Variants in ZNF850 observed in about 807,000 individuals in gnomAD.
The protein encoded by ZNF850 is zinc finger protein 850, also known as putative zinc finger protein ENSP00000330994.
Under a neutral mutation model 11.9 loss-of-function variants are expected in ZNF850, and 2 were observed. That is an observed-to-expected ratio of 0.17 (90% CI 0.07 to 0.53). ZNF850 has a LOEUF of 0.53. Among genes scored for constraint, ZNF850 ranks in the 20% least tolerant of loss-of-function variants. The probability of loss-of-function intolerance (pLI) is 0.94; values close to 1 mark genes in which losing one functional copy is unlikely to be tolerated. For synonymous variants in ZNF850, 381 were observed against 443.0 expected (o/e 0.86, Z 1.76); for missense variants, 1,014 against 1,316.4 (o/e 0.77, Z 3.55).
At chr19:36,771,874 ATCAACTTTC>A (rs1222893545) in intron 1 of ZNF850, among the ~76,000 whole-genome samples, 1 of 152,108 alleles carries the variant, frequency 6.6e-6, no homozygotes, top group Non-Finnish European at 1.5e-5. Context: ...AAACATCCTT[ATCAACTTTC>A]TCCCAGGCAA....
chr19:36,750,180 CCA>C lies in ZNF850; in HGVS notation c.858_859del (p.Cys286TrpfsTer20). Reference sequence around the variant, plus strand: ...TGTTGAGCCAGAAGTAAAAGATTTCCCACATTCTTTACATTCATAAGGTTTGT... The same window carrying C: ...TGTTGAGCCAGAAGTAAAAGATTTCCCATTCTTTACATTCATAAGGTTTGT... On this transcript the variant is annotated frameshift_variant, in exon 5 of 5. Transcript: ENST00000591344. LOFTEE classifies it low-confidence loss of function (END_TRUNC). The C allele has an allele frequency of 6.5e-7, 1 of 1,539,136 alleles. No homozygotes were observed. Among genetic ancestry groups the C allele is most frequent in the East Asian group, 2.4e-5 (1 of 40,926 alleles).
At position 36,750,730 on chromosome 19, in the gene ZNF850, C is replaced by T; in HGVS notation, c.310G>A (p.Val104Met). Residue 104 changes from valine (V) to methionine (M), a missense_variant, in exon 5 of 5, where the codon GTG (valine) becomes ATG (methionine). Coordinates refer to ENST00000591344, the MANE Select transcript of ZNF850 (RefSeq NM_001193552.2). The stretch of plus-strand genomic sequence containing the variant: ...AGGCTATGACATTTTTCCATTCTCA[C>T]CCACTGAGATGATGTTACTTCATAG... ...EIYEVTSSQWVRMEKCHSLVG... is the reference protein window; with the variant it reads ...EIYEVTSSQWMRMEKCHSLVG... 6.5e-7 allele frequency: 1 copy of T among 1,536,130 alleles called. No homozygotes were observed. Among genetic ancestry groups the T allele is most frequent in the Non-Finnish European group, 8.7e-7 (1 of 1,146,854 alleles).
chr19:36,760,992 T>A (rs1159562511), intron 4 of ZNF850, among the ~76,000 whole-genome samples: 1 of 152,000 alleles, frequency 6.6e-6, no homozygotes, highest in African/African-American at 2.4e-5. Context: ...AAAAAAAAAT[T>A]TTTTAAAGCA....
Position 36,750,101 on chromosome 19 carries a change from T to C in ZNF850, c.939A>G (p.Gln313=), listed in dbSNP as rs2040443423. 6.5e-7 allele frequency: 1 copy of C among 1,538,506 alleles called. No individual in the cohort carries two copies. Among genetic ancestry groups the C allele is most frequent in the Non-Finnish European group, 8.7e-7 (1 of 1,146,952 alleles). ...HTGEKPYHCK[Q]CGKSFTVGST... is the part of the protein sequence containing the mutation. ...AGCCAACAGTAAAAGATTTTCCACA[T>C]TGCTTACAATGATAGGGTTTCTCAC... The change falls in exon 5 of 5, where the codon CAA becomes CAG. Residue 313 remains glutamine, a synonymous_variant. Coordinates refer to ENST00000591344, the MANE Select transcript of ZNF850 (RefSeq NM_001193552.2).
In ZNF850 at chr19:36,749,209, G is replaced by A. The variant is rs541653340; in HGVS notation, c.1831C>T (p.His611Tyr). Residue 611 changes from histidine to tyrosine, a missense_variant, in exon 5 of 5, where the codon CAC (histidine) becomes TAC (tyrosine). By Grantham distance (83) the His-to-Tyr change is moderately conservative (BLOSUM62 2). Coordinates refer to ENST00000591344, the MANE Select transcript of ZNF850 (RefSeq NM_001193552.2). Reference sequence around the variant, plus strand: ...CAATCATAAGGTTTCTCACCAGTGTGAATTTGCTGATGTTGAAGTAGTGTT... The same window carrying A: ...CAATCATAAGGTTTCTCACCAGTGTAAATTTGCTGATGTTGAAGTAGTGTT... ...GSTLLQHQQI[H>Y]TGEKPYDCKE... 7.5e-6 allele frequency: 12 copies of A among 1,601,722 alleles called. No homozygotes were observed. Among genetic ancestry groups the A allele is most frequent in the Non-Finnish European group, 1.0e-5 (12 of 1,175,922 alleles).
At chr19:36,767,848 G>A (rs2040557926) in intron 1 of ZNF850, among the ~76,000 whole-genome samples, 1 of 152,148 alleles carries the variant, frequency 6.6e-6, no homozygotes. Flanking sequence ...GGCTAATAAT[G>A]CCAATAAATA....
chr19:36,747,710 A>G lies in ZNF850; in HGVS notation c.*57T>C. 1.4e-6 allele frequency: 2 copies of G among 1,413,408 alleles called. No homozygotes were observed. The highest frequency in any genetic ancestry group is 1.9e-6 in the Non-Finnish European group (2 of 1,076,314). 87.6% of individuals were successfully genotyped at this position (1,413,408 alleles called of 1,614,324 possible). On this transcript the variant is annotated 3_prime_UTR_variant, in exon 5 of 5. Coordinates refer to ENST00000591344, the MANE Select transcript of ZNF850 (RefSeq NM_001193552.2). Reference sequence around the variant, plus strand: ...TACACATCCATTGTATTTGACCCACATATGGAATCTGCTGATGATCCATGA... The same window carrying G: ...TACACATCCATTGTATTTGACCCACGTATGGAATCTGCTGATGATCCATGA...
intron 4 of ZNF850, among the ~76,000 whole-genome samples, chr19:36,752,396 G>T (rs2040459080): frequency 6.6e-6 from 1 of 152,154 alleles, no homozygotes; most frequent in Non-Finnish European, 1.5e-5. Flanking sequence ...AGGAACCATT[G>T]TGAAGAGGGT....
intron 4 of ZNF850, among the ~76,000 whole-genome samples, chr19:36,753,443 A>AAAAAAAAAAC (rs2040466477): frequency 6.9e-6 from 1 of 145,144 alleles, no homozygotes; most frequent in African/African-American, 2.7e-5. Context: ...AAAAAAAAAA[A>AAAAAAAAAAC]AAAGCCGGGT....
At chr19:36,769,489 A>C (rs916305442) in intron 1 of ZNF850, among the ~76,000 whole-genome samples, 17 of 151,522 alleles carry the variant, frequency 1.1e-4, no homozygotes, top group African/African-American at 3.4e-4. Context: ...GTTTCAGCTT[A>C]CTTGGTAGGC....
chr19:36,763,058 T>C (rs1381179911), intron 1 of ZNF850, among the ~76,000 whole-genome samples: 1 of 151,886 alleles, frequency 6.6e-6, no homozygotes, highest in African/African-American at 2.4e-5. Flanking sequence ...GTCCAGCTAA[T>C]TTTTTGTATT....
rs1331688273 is a variant in ZNF850 at position 36,745,376 on chromosome 19, T to A, written c.*2391A>T. 6.6e-6 allele frequency: 1 copy of A among 152,148 alleles called. No individual in the cohort carries two copies. Among genetic ancestry groups the A allele is most frequent in the Non-Finnish European group, 1.5e-5 (1 of 68,028 alleles). 9.4% of individuals were successfully genotyped at this position (152,148 alleles called of 1,614,324 possible). A position where few individuals can be genotyped will look rare whatever the true frequency, so the allele number is the denominator to read the frequency against. ...ACTTTATTGAAGTGTAATTTACATA[T>A]AATAAAATGCAACCATATGTCTACA... On this transcript the variant is annotated 3_prime_UTR_variant, in exon 5 of 5. Coordinates refer to ENST00000591344, the MANE Select transcript of ZNF850 (RefSeq NM_001193552.2).
chr19:36,763,563 AC>A (rs1208269151), intron 1 of ZNF850, among the ~76,000 whole-genome samples: 2 of 151,742 alleles, frequency 1.3e-5, no homozygotes, highest in African/African-American at 2.4e-5. Flanking sequence ...CACAACAACA[AC>A]AAAAAAAAAC....
chr19:36,769,453 T>C (rs543723554), intron 1 of ZNF850, among the ~76,000 whole-genome samples: 1 of 151,720 alleles, frequency 6.6e-6, no homozygotes, highest in East Asian at 1.9e-4. Context: ...TTTGTAATTA[T>C]GCCAGAGTGC....
At position 36,761,569 on chromosome 19, in the gene ZNF850, T is replaced by G. The variant is rs1267047430; in HGVS notation, c.235+74A>C. On this transcript the variant is annotated intron_variant, in intron 4 of 4. Coordinates refer to ENST00000591344, the MANE Select transcript of ZNF850 (RefSeq NM_001193552.2). ...AAGAAGAGACTCCTCAACCAATACC[T>G]GTACGGTGCTGCCTCCCTGACAGGC... 5.0e-6 allele frequency: 4 copies of G among 796,650 alleles called. No individual in the cohort carries two copies. In the East Asian group the frequency reaches 8.1e-5, roughly 16 times the overall value. 49.3% of individuals were successfully genotyped at this position (796,650 alleles called of 1,614,324 possible).
chr19:36,748,587 C>T lies in ZNF850; in HGVS notation c.2453G>A (p.Cys818Tyr). The T allele has an allele frequency of 6.5e-7, 1 of 1,537,110 alleles. No homozygotes were observed. Among genetic ancestry groups the T allele is most frequent in the Non-Finnish European group, 8.7e-7 (1 of 1,146,934 alleles). Residue 818 changes from cysteine (C) to tyrosine (Y), a missense_variant, in exon 5 of 5, where the codon TGT becomes TAT. Cys to Tyr is a radical substitution (Grantham distance 194, BLOSUM62 -2). Around this residue, in one of 2 missense-constraint regions of ZNF850, gnomAD observed 835 missense variants for 1,022.0 expected, o/e 0.82. Coordinates refer to ENST00000591344, the MANE Select transcript of ZNF850 (RefSeq NM_001193552.2). ...TGAGCGAAGAGTAAAAGATTTCCCACATTCCTTGCAATGATAAGGTTTCTC... is the reference window on the plus strand; with the variant it reads ...TGAGCGAAGAGTAAAAGATTTCCCATATTCCTTGCAATGATAAGGTTTCTC... ...TGEKPYHCKECGKSFTLRSAL... is the reference protein window; with the variant it reads ...TGEKPYHCKEYGKSFTLRSAL...
chr19:36,755,166 T>C (rs1177640721), intron 4 of ZNF850, among the ~76,000 whole-genome samples: 2 of 152,162 alleles, frequency 1.3e-5, no homozygotes, highest in Non-Finnish European at 2.9e-5. Context: ...GGGAAAAGAA[T>C]TTAAATGCAA....
At chr19:36,763,347 C>T (rs1485538796) in intron 1 of ZNF850, among the ~76,000 whole-genome samples, 6 of 151,712 alleles carry the variant, frequency 4.0e-5, no homozygotes, top group Non-Finnish European at 7.4e-5. Flanking sequence ...TTGAGACCAG[C>T]CTGACCAACA....
chr19:36,748,257 T>C lies in ZNF850; in HGVS notation c.2783A>G (p.His928Arg). ...ACGGACAAAGGCTTTTCCACATTCATGACATCGATAAGGTTTCTCACCAGT... is the reference window on the plus strand; with the variant it reads ...ACGGACAAAGGCTTTTCCACATTCACGACATCGATAAGGTTTCTCACCAGT... Reference protein sequence around the residue: ...IHTGEKPYRCHECGKAFVRFS... With the variant: ...IHTGEKPYRCRECGKAFVRFS... Residue 928 changes from histidine to arginine, a missense_variant, in exon 5 of 5, where the codon CAT (histidine) becomes CGT (arginine). His to Arg is a conservative substitution (Grantham distance 29). This residue lies in a region of ZNF850 where 179 missense variants were observed against 294.4 expected (regional missense o/e 0.61). Transcript: ENST00000591344. 2 of 1,555,190 alleles carry C rather than the reference T, an allele frequency of 1.3e-6. No individual in the cohort carries two copies. Among genetic ancestry groups the C allele is most frequent in the Non-Finnish European group, 1.7e-6 (2 of 1,153,878 alleles).
Sources: gnomAD v4.1 joint callset for allele counts (sites outside exome capture counted in the v4.1 genomes callset) on GRCh38, gnomAD v4.1.1 for gene constraint, gnomAD v4.1.1 regional missense constraint, MANE v1.5 for transcripts, NCBI Gene and HGNC (gene_info 2026-07-23, HGNC 2026-07-21) for gene names.